The following DPF3 variants were observed in gnomAD, a reference collection of about 807,000 sequenced individuals.
DPF3 encodes zinc finger protein DPF3.
Under a neutral mutation model 56.8 loss-of-function variants are expected in DPF3, and 18 were observed. That is an observed-to-expected ratio of 0.32 (90% CI 0.22 to 0.47). DPF3 has a LOEUF of 0.47. Ranked by LOEUF, DPF3 falls within the 20% of genes least tolerant of loss-of-function variation. The probability of loss-of-function intolerance (pLI) is 1.00; values close to 1 mark genes in which losing one functional copy is unlikely to be tolerated. For synonymous variants in DPF3, 188 were observed against 180.2 expected (o/e 1.04, Z -0.35); for missense variants, 403 against 488.8 (o/e 0.82, Z 1.65).
Position 72,612,131 on chromosome 14 carries a change from G to C in DPF3, c.*7166C>G, listed in dbSNP as rs918698655. ...CAAAAGATGGGTTCATTTTCCTTCA[G>C]AGGAAAAACCCCCAGGGTGGACAAC... On this transcript the variant is annotated 3_prime_UTR_variant, in exon 11 of 11. Coordinates refer to ENST00000556509, the MANE Select transcript of DPF3 (RefSeq NM_001280542.3). Among the ~76,000 whole-genome samples, 2 of 152,194 alleles carry C rather than the reference G, an allele frequency of 1.3e-5. No individual in the cohort carries two copies. Among genetic ancestry groups the C allele is most frequent in the Non-Finnish European group, 2.9e-5 (2 of 68,030 alleles).
chr14:72,888,717 G>A (rs180674276), intron 1 of DPF3, among the ~76,000 whole-genome samples: 166 of 152,264 alleles, frequency 1.1e-3, no homozygotes, highest in African/African-American at 3.9e-3. Context: ...TCCCCTGTTG[G>A]GTCGTAGCTG....
intron 9 of DPF3, among the ~76,000 whole-genome samples, chr14:72,628,946 GAT>G (rs1885005740): frequency 2.0e-5 from 3 of 152,156 alleles, no homozygotes; most frequent in African/African-American, 7.2e-5. Flanking sequence ...TGCACCTACA[GAT>G]ATTTAAATAA....
chr14:72,845,114 G>T (rs1365388646), intron 1 of DPF3, among the ~76,000 whole-genome samples: 1 of 152,136 alleles, frequency 6.6e-6, no homozygotes, highest in African/African-American at 2.4e-5. Flanking sequence ...CTAAAAAGAA[G>T]CCTCCAGGAA....
At chr14:72,719,029 C>G (rs1246777901) in intron 5 of DPF3, among the ~76,000 whole-genome samples, 1 of 149,086 alleles carries the variant, frequency 6.7e-6, no homozygotes, top group Non-Finnish European at 1.5e-5. Flanking sequence ...CTTGGCCTCC[C>G]AAAGTGCTGG....
chr14:72,774,096 C>A (rs1891659435), intron 1 of DPF3: 1 of 396,588 alleles, frequency 2.5e-6, no homozygotes, highest in South Asian at 1.9e-5. Context: ...ACCAGCCTGG[C>A]CAACATGGTG....
intron 1 of DPF3, among the ~76,000 whole-genome samples, chr14:72,832,142 A>AG (rs1420122115): frequency 6.6e-6 from 1 of 152,186 alleles, no homozygotes; most frequent in African/African-American, 2.4e-5. Flanking sequence ...GCTTGAGCCC[A>AG]GGAGTTCGAG....
intron 1 of DPF3, among the ~76,000 whole-genome samples, chr14:72,870,695 T>C (rs999902064): frequency 1.2e-4 from 18 of 152,258 alleles, no homozygotes; most frequent in Admixed American, 7.8e-4. Context: ...TTCATTTTTT[T>C]AAAGATGCCA....
At chr14:72,716,861 C>G (rs1372642664) in intron 5 of DPF3, among the ~76,000 whole-genome samples, 1 of 152,150 alleles carries the variant, frequency 6.6e-6, no homozygotes, top group Non-Finnish European at 1.5e-5. Context: ...AATCCAGGAG[C>G]TCATCGACTG....
intron 1 of DPF3, among the ~76,000 whole-genome samples, chr14:72,854,967 G>A (rs1411727262): frequency 3.3e-5 from 5 of 152,194 alleles, no homozygotes; most frequent in African/African-American, 1.2e-4. Flanking sequence ...ACGAAGGGAA[G>A]TAGGCTAAGA....
chr14:72,878,507 T>A (rs1246653166), intron 1 of DPF3, among the ~76,000 whole-genome samples: 1 of 152,206 alleles, frequency 6.6e-6, no homozygotes, highest in African/African-American at 2.4e-5. Context: ...CAGCAGATGT[T>A]CACCAGAACC....
At chr14:72,809,633 A>G (rs1482825669) in intron 1 of DPF3, among the ~76,000 whole-genome samples, 2 of 152,102 alleles carry the variant, frequency 1.3e-5, no homozygotes, top group African/African-American at 4.8e-5. Context: ...TGGAAGAGAA[A>G]GGGAAGGTGG....
rs932771081 is a variant in DPF3, at chr14:72,611,361, C to G, written c.*7936G>C. On this transcript the variant is annotated 3_prime_UTR_variant, in exon 11 of 11. Coordinates refer to ENST00000556509, the MANE Select transcript of DPF3 (RefSeq NM_001280542.3). ...CAGCACGAAGCTAGGATCTGACAAGCACCTGGCCAAAGGTGAGCATGGAAG... is the reference window on the plus strand; with the variant it reads ...CAGCACGAAGCTAGGATCTGACAAGGACCTGGCCAAAGGTGAGCATGGAAG... Among the ~76,000 whole-genome samples, 7 of 152,230 alleles carry G rather than the reference C, an allele frequency of 4.6e-5. No individual in the cohort carries two copies. Among genetic ancestry groups the G allele is most frequent in the Non-Finnish European group, 8.8e-5 (6 of 68,038 alleles).
At chr14:72,885,109 G>C (rs1267957120) in intron 1 of DPF3, among the ~76,000 whole-genome samples, 1 of 145,074 alleles carries the variant, frequency 6.9e-6, no homozygotes, top group Admixed American at 6.8e-5. Context: ...CTGGGCGACA[G>C]AGCGAGACTC....
At chr14:72,622,761 T>C (rs918125309) in intron 9 of DPF3, among the ~76,000 whole-genome samples, 2 of 151,996 alleles carry the variant, frequency 1.3e-5, no homozygotes, top group African/African-American at 2.4e-5. Flanking sequence ...CACCTATTAC[T>C]ACAGTTCCAG....
chr14:72,638,520 A>T (rs1885449736), intron 8 of DPF3, among the ~76,000 whole-genome samples: 1 of 152,208 alleles, frequency 6.6e-6, no homozygotes, highest in Non-Finnish European at 1.5e-5. Context: ...TAATTGATGT[A>T]TAGCTGGTGG....
chr14:72,719,455 C>G (rs1889077511), intron 5 of DPF3, among the ~76,000 whole-genome samples: 1 of 152,134 alleles, frequency 6.6e-6, no homozygotes, highest in Admixed American at 6.6e-5. Context: ...GCCCCCACCC[C>G]ATGGACTTAC....
intron 1 of DPF3, among the ~76,000 whole-genome samples, chr14:72,800,597 C>T (rs2140000148): frequency 6.7e-6 from 1 of 149,192 alleles, no homozygotes; most frequent in South Asian, 2.1e-4. Context: ...TGGATGTGTG[C>T]ATGAATGAAT....
rs114092914 is a variant in DPF3, at chr14:72,807,793, C to G, written c.33-35900G>C. On this transcript the variant is annotated intron_variant, in intron 1 of 10. Transcript: ENST00000556509. ...ACCAGCCTGGTCAACATAGGAAGAC[C>G]CCATCTCTACAACAAATTTAAAAAT... is the stretch of plus-strand genomic sequence containing the variant. Among the ~76,000 whole-genome samples the G allele has an allele frequency of 7.7e-3, 1,167 of 152,146 alleles. 18 individuals carry two copies. The highest frequency in any genetic ancestry group is 0.027 in the African/African-American group (1,132 of 41,488).
intron 1 of DPF3, among the ~76,000 whole-genome samples, chr14:72,882,119 TTGGGTTA>T: frequency 6.6e-6 from 1 of 152,116 alleles, no homozygotes; most frequent in Non-Finnish European, 1.5e-5. Context: ...TCTACAAAAC[TTGGGTTA>T]TGTTTATCTG....
Sources: gnomAD v4.1 joint callset for allele counts (sites outside exome capture counted in the v4.1 genomes callset) on GRCh38, gnomAD v4.1.1 for gene constraint, MANE v1.5 for transcripts, NCBI Gene and HGNC (gene_info 2026-07-23, HGNC 2026-07-21) for gene names.